Variants in KSR2 observed in about 807,000 individuals in gnomAD.
KSR2 encodes kinase suppressor of ras 2.
In KSR2, 25 loss-of-function variants were observed where a neutral mutation model predicts 107.8. That is an observed-to-expected ratio of 0.23 (90% confidence interval 0.17 to 0.32). KSR2 has a LOEUF of 0.32. KSR2 is among the 10% of genes least tolerant of loss of function. KSR2 has a pLI of 1.00. For missense variants in KSR2, 887 were observed against 1,268.9 expected, an observed-to-expected ratio of 0.70 and a Z score of 4.57; for synonymous variants, 480 against 507.0, an observed-to-expected ratio of 0.95 and a Z score of 0.71.
chr12:117,740,671 T>TATATGGTATATAC (rs1565990505), intron 4 of KSR2, among the ~76,000 whole-genome samples: 15 of 141,672 alleles, frequency 1.1e-4, no homozygotes, highest in East Asian at 2.0e-4. Context: ...ATAATATATA[T>TATATGGTATATAC]AATATATATA....
chr12:117,661,941 T>C (rs972452357), intron 5 of KSR2, among the ~76,000 whole-genome samples: 4 of 152,324 alleles, frequency 2.6e-5, no homozygotes, highest in Admixed American at 1.3e-4. Flanking sequence ...ATTTTGTTTA[T>C]TTCCAGGTTT....
At chr12:117,638,058 A>G (rs1014592634) in intron 5 of KSR2, among the ~76,000 whole-genome samples, 2 of 152,232 alleles carry the variant, frequency 1.3e-5, no homozygotes, top group Admixed American at 6.5e-5. Context: ...ACTGAAGTAC[A>G]TCACTAATTT....
rs1288107663 is a variant in KSR2, at chr12:117,465,297, C to T, written c.*1902G>A. The stretch of plus-strand genomic sequence containing the variant: ...GCTCAGGCAAACATATATAAAATGC[C>T]TCCAAGACACACACACGTCGTCAAG... On this transcript the variant is annotated 3_prime_UTR_variant, in exon 20 of 20. Coordinates refer to ENST00000339824, the MANE Select transcript of KSR2 (RefSeq NM_173598.6). The T allele has an allele frequency of 1.3e-5, 2 of 152,180 alleles. No homozygotes were observed. Among genetic ancestry groups the T allele is most frequent in the Non-Finnish European group, 1.5e-5 (1 of 68,082 alleles). 9.4% of individuals were successfully genotyped at this position (152,180 alleles called of 1,614,324 possible).
intron 5 of KSR2, among the ~76,000 whole-genome samples, chr12:117,596,555 C>T (rs1328498351): frequency 1.3e-5 from 2 of 152,192 alleles, no homozygotes; most frequent in Non-Finnish European, 2.9e-5. Context: ...ACTATTGGGT[C>T]TCCTACAAAC....
chr12:117,883,530 A>G (rs1004590210), intron 1 of KSR2, among the ~76,000 whole-genome samples: 1 of 152,124 alleles, frequency 6.6e-6, no homozygotes, highest in African/African-American at 2.4e-5. Context: ...TATAACAGAG[A>G]AGGACAGTTG....
At chr12:117,887,389 C>T (rs1020187901) in intron 1 of KSR2, among the ~76,000 whole-genome samples, 1 of 152,182 alleles carries the variant, frequency 6.6e-6, no homozygotes, top group African/African-American at 2.4e-5. Flanking sequence ...GCACGAGTGA[C>T]GGCACCTGGC....
intron 1 of KSR2, among the ~76,000 whole-genome samples, chr12:117,939,988 T>C (rs1043363764): frequency 1.5e-5 from 2 of 137,588 alleles, no homozygotes; most frequent in Non-Finnish European, 3.1e-5. Flanking sequence ...CACACACACA[T>C]TTTAATTAAC....
At chr12:117,706,474 A>G (rs1328833602) in intron 4 of KSR2, among the ~76,000 whole-genome samples, 2 of 152,066 alleles carry the variant, frequency 1.3e-5, no homozygotes, top group Non-Finnish European at 2.9e-5. Context: ...GTGGACATTC[A>G]GAAATGGTAA....
chr12:117,497,998 C>A (rs1873146250), intron 14 of KSR2, among the ~76,000 whole-genome samples: 2 of 152,168 alleles, frequency 1.3e-5, no homozygotes, highest in Admixed American at 1.3e-4. Flanking sequence ...TCCTGCAAGG[C>A]ACTGTCCTGA....
intron 3 of KSR2, among the ~76,000 whole-genome samples, chr12:117,772,942 A>G (rs1889557679): frequency 6.6e-6 from 1 of 152,184 alleles, no homozygotes; most frequent in Non-Finnish European, 1.5e-5. Context: ...TTCCCATGAA[A>G]TTATCTTCCT....
At chr12:117,570,007 T>C (rs973166668) in intron 7 of KSR2, among the ~76,000 whole-genome samples, 2 of 150,162 alleles carry the variant, frequency 1.3e-5, no homozygotes, top group Non-Finnish European at 3.0e-5. Flanking sequence ...CTGCAGACTT[T>C]TTTTTTTTTT....
intron 3 of KSR2, among the ~76,000 whole-genome samples, chr12:117,779,343 G>C (rs1229106501): frequency 6.6e-6 from 1 of 152,198 alleles, no homozygotes; most frequent in Non-Finnish European, 1.5e-5. Flanking sequence ...GGGCCAGTGA[G>C]CTGGGTTTGA....
At chr12:117,647,349 C>T (rs780967073) in intron 5 of KSR2, among the ~76,000 whole-genome samples, 4 of 152,116 alleles carry the variant, frequency 2.6e-5, no homozygotes, top group Non-Finnish European at 4.4e-5. Context: ...CTTTTATCCC[C>T]GGCCAAGAAG....
At chr12:117,887,586 G>A (rs868135325) in intron 1 of KSR2, among the ~76,000 whole-genome samples, 37 of 152,186 alleles carry the variant, frequency 2.4e-4, no homozygotes, top group Middle Eastern at 6.8e-3. Flanking sequence ...CTGTGTTAGG[G>A]AACTAAAAAC....
chr12:117,732,100 T>TTC (rs1242944327), intron 4 of KSR2, among the ~76,000 whole-genome samples: 1 of 151,458 alleles, frequency 6.6e-6, no homozygotes, highest in Non-Finnish European at 1.5e-5. Flanking sequence ...GGTGCCACAG[T>TTC]TCTCTCTCTA....
At chr12:117,933,245 T>A (rs1186113587) in intron 1 of KSR2, among the ~76,000 whole-genome samples, 2 of 152,280 alleles carry the variant, frequency 1.3e-5, no homozygotes, top group South Asian at 4.1e-4. Context: ...AACAAATAAT[T>A]TTTAGTATAA....
chr12:117,703,597 A>C (rs1337105992), intron 4 of KSR2, among the ~76,000 whole-genome samples: 1 of 152,222 alleles, frequency 6.6e-6, no homozygotes, highest in African/African-American at 2.4e-5. Flanking sequence ...TGAACGTTGA[A>C]GTTCTTAAAA....
At chr12:117,820,030 T>C (rs1176840996) in intron 3 of KSR2, among the ~76,000 whole-genome samples, 3 of 152,256 alleles carry the variant, frequency 2.0e-5, no homozygotes, top group African/African-American at 7.2e-5. Context: ...AAAATGCGAA[T>C]ATGAGCAAGA....
chr12:117,614,999 A>G (rs890483699), intron 5 of KSR2, among the ~76,000 whole-genome samples: 1 of 151,966 alleles, frequency 6.6e-6, no homozygotes, highest in Admixed American at 6.6e-5. Flanking sequence ...TCCATGCTCT[A>G]TCTTTCAGAG....
Sources: allele counts gnomAD v4.1 joint callset (sites outside exome capture counted in the v4.1 genomes callset), GRCh38; gene constraint gnomAD v4.1.1; transcripts MANE v1.5; gene names NCBI Gene and HGNC (gene_info 2026-07-23, HGNC 2026-07-21).